The following ATP7B variants were observed in gnomAD, a reference collection of about 807,000 sequenced individuals.
ATP7B encodes the protein ATPase copper transporting beta, also known as copper-transporting ATPase 2.
A neutral mutation model predicts 118.9 loss-of-function variants in ATP7B; 113 were observed. The observed-to-expected ratio is 0.95, with a 90% CI of 0.82 to 1.11. The LOEUF is 1.11. ATP7B is among the 50% of genes most tolerant of loss of function. The pLI, the probability that ATP7B is intolerant of heterozygous loss-of-function variation, is 0.00. For missense variants in ATP7B, 1,867 were observed against 1,871.4 expected (o/e 1.00, Z 0.04); for synonymous variants, 777 against 727.4 (o/e 1.07, Z -1.10).
chr13:51,949,301 A>C (rs772635472), intron 12 of ATP7B, among the ~76,000 whole-genome samples: 8 of 152,230 alleles, frequency 5.3e-5, no homozygotes, highest in Non-Finnish European at 8.8e-5. Context: ...AAAATGTATT[A>C]AATAATATTA....
In ATP7B at chr13:51,965,011, G is replaced by C; in HGVS notation, c.1730C>G (p.Ser577Cys). 1.9e-6 allele frequency: 3 copies of C among 1,614,132 alleles called. No homozygotes were observed. Among genetic ancestry groups the C allele is most frequent in the Non-Finnish European group, 2.5e-6 (3 of 1,180,038 alleles). Residue 577 changes from serine (S) to cysteine (C), a missense_variant, in exon 5 of 21, where the codon TCC (serine) becomes TGC (cysteine). Coordinates refer to ENST00000242839, the MANE Select transcript of ATP7B (RefSeq NM_000053.4). ...ELTITGMTCA[S>C]CVHNIESKLT... ...TTTGGACTCTATGTTGTGGACACAG[G>C]ACGCGCAGGTCATCCCTGTGATCTG...
chr13:51,938,621 T>C (rs575233821), intron 17 of ATP7B, among the ~76,000 whole-genome samples: 118 of 152,252 alleles, frequency 7.8e-4, no homozygotes, highest in Non-Finnish European at 1.4e-3. Context: ...AGTGGTGCTG[T>C]CCTCACAGAC....
chr13:51,946,419 G>C lies in ATP7B; in HGVS notation c.2925C>G (p.Ser975=). 6.2e-7 allele frequency: 1 copy of C among 1,614,180 alleles called. No homozygotes were observed. Among genetic ancestry groups the C allele is most frequent in the Non-Finnish European group, 8.5e-7 (1 of 1,180,036 alleles). Residue 975 remains serine, a synonymous_variant, in exon 13 of 21, where the codon TCC becomes TCG. Coordinates refer to ENST00000242839, the MANE Select transcript of ATP7B (RefSeq NM_000053.4). ...EVIIRFAFQT[S]ITVLCIACPC... The stretch of plus-strand genomic sequence containing the variant: ...GGCAGGCAATGCACAGCACCGTGAT[G>C]GACGTCTGGAAAGCAAACCGGATGA...
At chr13:51,965,434 G>A (rs991829055) in intron 4 of ATP7B, among the ~76,000 whole-genome samples, 9 of 152,190 alleles carry the variant, frequency 5.9e-5, no homozygotes, top group African/African-American at 1.9e-4. Context: ...AATACTCTCC[G>A]TAATCCTGAG....
rs567919605 is a variant in ATP7B at position 51,955,933 on chromosome 13, C to G, written c.2447+1583G>C. Among the ~76,000 whole-genome samples the G allele has an allele frequency of 3.9e-5, 6 of 152,318 alleles. No homozygotes were observed. In the East Asian group the frequency reaches 1.2e-3, roughly 29 times the overall value. On this transcript the variant is annotated intron_variant, in intron 9 of 20. Coordinates refer to ENST00000242839, the MANE Select transcript of ATP7B (RefSeq NM_000053.4). ...GGCTCTGTGCCTCCAGGGTTCCAAT[C>G]CCAGCTCTGCTGCCTGCCTGCCATG...
chr13:51,968,948 C>A (rs1272514904), intron 3 of ATP7B, among the ~76,000 whole-genome samples: 3 of 150,238 alleles, frequency 2.0e-5, no homozygotes, highest in Admixed American at 6.6e-5. Flanking sequence ...GCAACCTCTG[C>A]CTCCAGGGTT....
chr13:52,006,863 G>A (rs142336667), intron 1 of ATP7B, among the ~76,000 whole-genome samples: 2 of 152,126 alleles, frequency 1.3e-5, no homozygotes, highest in African/African-American at 2.4e-5. Context: ...AGACCCACTC[G>A]AGCACCACCT....
chr13:52,010,108 C>T (rs7337430), intron 1 of ATP7B, among the ~76,000 whole-genome samples: 65,994 of 151,820 alleles, frequency 0.43, 16,596 homozygotes, highest in Non-Finnish European at 0.56. Context: ...TAGGTGGGGA[C>T]ACTGTAGGAA....
intron 9 of ATP7B, among the ~76,000 whole-genome samples, chr13:51,953,270 C>A (rs1309922540): frequency 6.6e-6 from 1 of 152,188 alleles, no homozygotes; most frequent in African/African-American, 2.4e-5. Flanking sequence ...ACAGAGGTCT[C>A]CACATGGCCT....
intron 16 of ATP7B, among the ~76,000 whole-genome samples, chr13:51,940,653 A>T (rs1030294134): frequency 6.6e-6 from 1 of 152,086 alleles, no homozygotes; most frequent in African/African-American, 2.4e-5. Flanking sequence ...CAGTCTAAAA[A>T]AGAAAAAGAA....
intron 4 of ATP7B, among the ~76,000 whole-genome samples, chr13:51,967,652 G>C (rs1951630543): frequency 6.6e-6 from 1 of 152,220 alleles, no homozygotes; most frequent in Admixed American, 6.5e-5. Context: ...TGTGTCCTCA[G>C]TGCTTTCCCC....
chr13:52,007,185 G>A (rs1004920196), intron 1 of ATP7B, among the ~76,000 whole-genome samples: 6 of 152,056 alleles, frequency 3.9e-5, no homozygotes, highest in African/African-American at 1.4e-4. Context: ...GTAAAAACCC[G>A]GTTCCCATTT....
chr13:52,006,509 G>A (rs558022864), intron 1 of ATP7B, among the ~76,000 whole-genome samples: 2 of 152,300 alleles, frequency 1.3e-5, no homozygotes, highest in South Asian at 4.2e-4. Flanking sequence ...CCAACTTACA[G>A]TTCTTTTTCA....
At chr13:52,011,919 G>A (rs556245766), upstream of ATP7B, 4 of 267,394 alleles carry the variant, frequency 1.5e-5, no homozygotes, top group East Asian at 4.3e-4. Flanking sequence ...GCGGCGCCGC[G>A]TCGGGTCCGC....
chr13:51,988,938 G>A (rs1048989657), intron 1 of ATP7B, among the ~76,000 whole-genome samples: 10 of 151,870 alleles, frequency 6.6e-5, no homozygotes. Context: ...GATACCATTA[G>A]GAGAAATACC....
intron 12 of ATP7B, 54 bp from the exon 13 acceptor site, chr13:51,946,532 A>G: frequency 6.3e-7 from 1 of 1,593,228 alleles, no homozygotes; most frequent in Non-Finnish European, 8.6e-7. Flanking sequence ...GGAAGCTCCC[A>G]GAACTCTAAT....
At position 51,950,320 on chromosome 13, in the gene ATP7B, C is replaced by T. The variant is rs1452859057; in HGVS notation, c.2527G>A (p.Gly843Arg). The change falls in exon 10 of 21, where the codon GGG (glycine) becomes AGG (arginine). Residue 843 changes from glycine to arginine, a missense_variant. Physicochemically the swap from Gly to Arg is moderately radical, Grantham distance 125. Transcript: ENST00000242839. ...ATGGTATTGCCTTCCAGGACTTTCC[C>T]ATCCACTGGAAACTTTCCCCCAGGG... The part of the protein sequence containing the change: ...VVPGGKFPVD[G>R]KVLEGNTMAD... The T allele has an allele frequency of 6.2e-7, 1 of 1,614,160 alleles. No individual in the cohort carries two copies. The highest frequency in any genetic ancestry group is 8.5e-7 in the Non-Finnish European group (1 of 1,180,032).
chr13:51,949,270 A>G (rs1310856214), intron 12 of ATP7B, among the ~76,000 whole-genome samples: 1 of 152,230 alleles, frequency 6.6e-6, no homozygotes, highest in Non-Finnish European at 1.5e-5. Context: ...GTAAATATAT[A>G]CATCAAAAGA....
chr13:51,978,354 A>T (rs1297396351), intron 1 of ATP7B, among the ~76,000 whole-genome samples: 3 of 152,274 alleles, frequency 2.0e-5, no homozygotes, highest in Non-Finnish European at 4.4e-5. Flanking sequence ...TTTAAAATAC[A>T]TGGGAAAATA....
Sources: allele counts gnomAD v4.1 joint callset (sites outside exome capture counted in the v4.1 genomes callset), GRCh38; gene constraint gnomAD v4.1.1; transcripts MANE v1.5; gene names NCBI Gene and HGNC (gene_info 2026-07-23, HGNC 2026-07-21).